The following SSX7 variants were observed in gnomAD, a reference collection of about 807,000 sequenced individuals.
The protein encoded by SSX7 is SSX family member 7, also known as protein SSX7.
SSX7 carries 15 observed loss-of-function variants against 14.7 expected under a neutral mutation model. The observed-to-expected ratio is 1.02, with a 90% CI of 0.68 to 1.58. The LOEUF (loss-of-function observed/expected upper bound fraction) is 1.58. Ranked by LOEUF, SSX7 falls within the 40% of genes most tolerant of loss-of-function variation. SSX7 has a pLI of 0.00. For synonymous variants in SSX7, 46 were observed against 50.6 expected (o/e 0.91, Z 0.38); for missense variants, 178 against 146.8 (o/e 1.21, Z -1.10).
At chrX:52,653,739 G>C (rs1205724005) in intron 1 of SSX7, among the ~76,000 whole-genome samples, 9 of 110,742 alleles carry the variant, frequency 8.1e-5, no homozygotes, top group South Asian at 7.8e-4. Context: ...TTGAGTCTTT[G>C]GGAGGGGGTT....
In SSX7 at chrX:52,654,364, G is replaced by GTTTTT. The variant is rs1352091546; in HGVS notation, c.-21+393_-21+397dup. On this transcript the variant is annotated intron_variant, in intron 1 of 7. Coordinates refer to ENST00000298181, the MANE Select transcript of SSX7 (RefSeq NM_173358.2). The stretch of plus-strand genomic sequence containing the variant: ...ATCCCAGGAGGAAAGATTTGAGTGA[G>GTTTTT]TTTTTTTTTTTTTTTTTTTTTGAGT... 6.9e-3 allele frequency among the ~76,000 whole-genome samples: 419 copies of GTTTTT among 60,824 alleles called. 11 individuals are homozygous for GTTTTT. Among genetic ancestry groups the GTTTTT allele is most frequent in the Admixed American group, 7.5e-3 (28 of 3,747 alleles). 52.8% of individuals were successfully genotyped at this position (60,824 alleles called of 115,157 possible).
rs1925383407 is a variant in SSX7 at position 52,650,219 on chromosome X, T to G, written c.330+134A>C. On this transcript the variant is annotated intron_variant, in intron 5 of 7. Coordinates refer to ENST00000298181, the MANE Select transcript of SSX7 (RefSeq NM_173358.2). The stretch of plus-strand genomic sequence containing the variant: ...GTTAGTATTATTAAGCTGTTGGTGC[T>G]ACATCAGGTGTTGTGATAGACATGG... The G allele has an allele frequency of 7.5e-6, 6 of 800,601 alleles. No individual in the cohort carries two copies. In the South Asian group the frequency reaches 1.4e-4, roughly 19 times the overall value. The allele number at this position is 800,601 out of a possible 1,213,427, so 66.0% of individuals were successfully genotyped here. A position where few individuals can be genotyped will look rare whatever the true frequency, so the allele number is the denominator to read the frequency against.
At chrX:52,650,026 T>C (rs782595696) in intron 5 of SSX7, among the ~76,000 whole-genome samples, 2 of 112,580 alleles carry the variant, frequency 1.8e-5, no homozygotes, top group African/African-American at 3.2e-5. Context: ...TCACATGGCT[T>C]TTATATGGAC....
chrX:52,651,408 T>G (rs1320819095), intron 4 of SSX7, among the ~76,000 whole-genome samples: 1 of 112,129 alleles, frequency 8.9e-6, no homozygotes, highest in Non-Finnish European at 1.9e-5. Context: ...CTTGTAACAT[T>G]TTTTTAGCAG....
At chrX:52,651,665 A>G (rs1465168785) in intron 4 of SSX7, among the ~76,000 whole-genome samples, 2 of 111,262 alleles carry the variant, frequency 1.8e-5, no homozygotes, top group Non-Finnish European at 3.8e-5. Context: ...ACCTGAGGTC[A>G]GGAAGTTTGA....
In SSX7 at chrX:52,648,307, G is replaced by A. The variant is rs1556766587; in HGVS notation, c.420C>T (p.Cys140=). Residue 140 remains cysteine, a synonymous_variant, in exon 6 of 8, where the codon TGC becomes TGT. Coordinates refer to ENST00000298181, the MANE Select transcript of SSX7 (RefSeq NM_173358.2). The part of the protein sequence containing the change: ...SGSQNDGKHL[C]PPGKPSTSEK... ...CAGAGGTACTTGGTTTTCCTGGAGG[G>A]CACAGGTGTTTCCCATCGTTCTGTG... 1 of 1,211,527 alleles carries A rather than the reference G, an allele frequency of 8.3e-7. No homozygotes were observed. The highest frequency in any genetic ancestry group is 2.2e-5 in the Admixed American group (1 of 46,006).
At chrX:52,649,832 G>A (rs1556766792) in intron 5 of SSX7, among the ~76,000 whole-genome samples, 1 of 112,593 alleles carries the variant, frequency 8.9e-6, no homozygotes, top group East Asian at 2.8e-4. Flanking sequence ...ACGTGAATGA[G>A]CTTTAAATGG....
rs188663275 is a variant in SSX7, at chrX:52,654,149, C to T, written c.-21+613G>A. Among the ~76,000 whole-genome samples, 901 of 109,593 alleles carry T rather than the reference C, an allele frequency of 8.2e-3. 8 individuals are homozygous for T. Among genetic ancestry groups the T allele is most frequent in the African/African-American group, 0.029 (868 of 30,198 alleles). On this transcript the variant is annotated intron_variant, in intron 1 of 7. Coordinates refer to ENST00000298181, the MANE Select transcript of SSX7 (RefSeq NM_173358.2). ...AGGCGCAGTGGCTCACGCCTGTAAT[C>T]CCAGCACTTTGGGAGGCCAAGGAGG...
intron 6 of SSX7, among the ~76,000 whole-genome samples, chrX:52,646,223 C>T (rs1300238049): frequency 9.0e-6 from 1 of 111,195 alleles, no homozygotes; most frequent in Admixed American, 9.5e-5. Context: ...GTCACCACGC[C>T]TGGCTAATAT....
Position 52,652,861 on chromosome X carries a change from T to G in SSX7, c.184+9A>C. On this transcript the variant is annotated intron_variant, in intron 3 of 7. Coordinates refer to ENST00000298181, the MANE Select transcript of SSX7 (RefSeq NM_173358.2). ...CCCAGACTTGTCTGTACCTAGAACTTTCTGTTACCTAGTTTAGTCATGGCC... is the reference window on the plus strand; with the variant it reads ...CCCAGACTTGTCTGTACCTAGAACTGTCTGTTACCTAGTTTAGTCATGGCC... 8.5e-7 allele frequency: 1 copy of G among 1,179,124 alleles called. No individual in the cohort carries two copies. The highest frequency in any genetic ancestry group is 3.0e-5 in the East Asian group (1 of 32,961).
chrX:52,648,855 G>A (rs1174287191), intron 5 of SSX7, among the ~76,000 whole-genome samples: 10 of 111,010 alleles, frequency 9.0e-5, no homozygotes, highest in African/African-American at 3.3e-4. Flanking sequence ...TACAGGGAAG[G>A]GAGAGGTAAA....
Position 52,654,364 on chromosome X carries a change from G to GTTTTGTTTTTTTT in SSX7, c.-21+397_-21+398insAAAAAAAACAAAA, listed in dbSNP as rs1556767485. 4.9e-5 allele frequency among the ~76,000 whole-genome samples: 3 copies of GTTTTGTTTTTTTT among 60,944 alleles called. 1 individual carries two copies. Among genetic ancestry groups the GTTTTGTTTTTTTT allele is most frequent in the Non-Finnish European group, 8.3e-5 (3 of 36,168 alleles). The allele number at this position is 60,944 out of a possible 115,157, so 52.9% of individuals were successfully genotyped here. On this transcript the variant is annotated intron_variant, in intron 1 of 7. Coordinates refer to ENST00000298181, the MANE Select transcript of SSX7 (RefSeq NM_173358.2). ...ATCCCAGGAGGAAAGATTTGAGTGAGTTTTTTTTTTTTTTTTTTTTTGAGT... is the reference window on the plus strand; with the variant it reads ...ATCCCAGGAGGAAAGATTTGAGTGAGTTTTGTTTTTTTTTTTTTTTTTTTTTTTTTTTTTGAGT...
In SSX7 at chrX:52,644,702, G is replaced by T. The variant is rs190377162; in HGVS notation, c.*5-32C>A. 787 of 1,186,938 alleles carry T rather than the reference G, an allele frequency of 6.6e-4. 9 individuals are homozygous for T. In the East Asian group the frequency reaches 0.019, roughly 28 times the overall value. On this transcript the variant is annotated intron_variant, in intron 7 of 7. Transcript: ENST00000298181. ...CAAGAAGAGAGAAGGAAAGTAAGTG[G>T]CAGTGAGTTCCCACCACGTGACAAC...
chrX:52,648,611 C>T (rs1925327601), intron 5 of SSX7, among the ~76,000 whole-genome samples: 1 of 111,819 alleles, frequency 8.9e-6, no homozygotes, highest in African/African-American at 3.2e-5. Flanking sequence ...CTTATCTTCA[C>T]ACTCTTTAAG....
intron 4 of SSX7, among the ~76,000 whole-genome samples, chrX:52,651,402 T>A (rs781921374): frequency 4.5e-5 from 5 of 112,180 alleles, no homozygotes; most frequent in Non-Finnish European, 9.4e-5. Context: ...TTTTCTCTTG[T>A]AACATTTTTT....
At position 52,644,494 on chromosome X, in the gene SSX7, A is replaced by G. The variant is rs2146493295; in HGVS notation, c.*181T>C. On this transcript the variant is annotated 3_prime_UTR_variant, in exon 8 of 8. Transcript: ENST00000298181. ...GCACACTGTAAGAAAATACAATGGA[A>G]ACACTAACATCGAACTCTTGTCACA... 1.4e-6 allele frequency: 1 copy of G among 698,098 alleles called. No individual in the cohort carries two copies. Among genetic ancestry groups the G allele is most frequent in the East Asian group, 3.4e-5 (1 of 29,073 alleles). 57.5% of individuals were successfully genotyped at this position (698,098 alleles called of 1,213,427 possible).
intron 6 of SSX7, among the ~76,000 whole-genome samples, chrX:52,646,180 C>T (rs1183983038): frequency 3.6e-5 from 4 of 111,875 alleles, no homozygotes; most frequent in African/African-American, 1.3e-4. Context: ...TCTCCTGCCT[C>T]AGCCTCCCGA....
At chrX:52,646,831 G>A (rs781896832) in intron 6 of SSX7, among the ~76,000 whole-genome samples, 2 of 112,273 alleles carry the variant, frequency 1.8e-5, no homozygotes, top group Admixed American at 1.9e-4. Flanking sequence ...TCAGAAGCTA[G>A]AAATGGCTAA....
intron 6 of SSX7, among the ~76,000 whole-genome samples, chrX:52,646,284 C>T (rs1925242607): frequency 8.9e-6 from 1 of 112,001 alleles, no homozygotes; most frequent in Non-Finnish European, 1.9e-5. Context: ...AGGATGGTCT[C>T]GATCTCCCGA....
Sources: gnomAD v4.1 joint callset for allele counts (sites outside exome capture counted in the v4.1 genomes callset) on GRCh38, gnomAD v4.1.1 for gene constraint, MANE v1.5 for transcripts, NCBI Gene and HGNC (gene_info 2026-07-23, HGNC 2026-07-21) for gene names.